The following YTHDF3 variants were observed in gnomAD, a reference collection of about 807,000 sequenced individuals.
YTHDF3 encodes YTH N6-methyladenosine RNA binding protein F3.
YTHDF3 carries 9 observed loss-of-function variants against 52.5 expected under a neutral mutation model. That is an observed-to-expected ratio of 0.17 (90% confidence interval 0.10 to 0.30). YTHDF3 has a LOEUF of 0.30. Among genes scored for constraint, YTHDF3 ranks in the 10% least tolerant of loss-of-function variants. The probability of loss-of-function intolerance (pLI) is 1.00; values close to 1 mark genes in which losing one functional copy is unlikely to be tolerated. For synonymous variants in YTHDF3, 274 were observed against 243.3 expected (o/e 1.13, Z -1.18); for missense variants, 534 against 715.0 (o/e 0.75, Z 2.89).
At chr8:63,191,463 C>T (rs1416612334) in intron 4 of YTHDF3, among the ~76,000 whole-genome samples, 2 of 151,978 alleles carry the variant, frequency 1.3e-5, no homozygotes, top group Admixed American at 6.6e-5. Flanking sequence ...CATTCAGCTC[C>T]CCCTCTTAAC....
At chr8:63,200,101 A>G (rs1253587615) in intron 4 of YTHDF3, among the ~76,000 whole-genome samples, 1 of 152,188 alleles carries the variant, frequency 6.6e-6, no homozygotes, top group Non-Finnish European at 1.5e-5. Context: ...CTCATTGTGA[A>G]TACTCTGCTG....
intron 2 of YTHDF3, 146 bp from the exon 3 acceptor site, chr8:63,175,185 G>A: frequency 1.7e-6 from 1 of 583,212 alleles, no homozygotes; most frequent in Non-Finnish European, 3.0e-6. Flanking sequence ...ATCTAAAATA[G>A]TTTATCCTTA....
chr8:63,201,243 A>G (rs1012185664), intron 4 of YTHDF3, among the ~76,000 whole-genome samples: 1 of 152,228 alleles, frequency 6.6e-6, no homozygotes, highest in South Asian at 2.1e-4. Flanking sequence ...ATAGAGATTT[A>G]CAGCTAGGTG....
chr8:63,187,049 A>G lies in YTHDF3; in HGVS notation c.1038A>G (p.Gln346=), dbSNP rs775240210. The part of the protein sequence containing the change: ...PQAQPHQVQP[Q]QQQLQNRWVA... ...CCCAGCCTCACCAAGTGCAGCCTCA[A>G]CAGCAGCAGCTGCAGAATCGCTGGG... The change falls in exon 4 of 5, where the codon CAA becomes CAG. Residue 346 remains glutamine, a synonymous_variant. Transcript: ENST00000539294. 8 of 1,613,634 alleles carry G rather than the reference A, an allele frequency of 5.0e-6. No homozygotes were observed. Among genetic ancestry groups the G allele is most frequent in the Admixed American group, 1.7e-5 (1 of 59,944 alleles).
intron 3 of YTHDF3, among the ~76,000 whole-genome samples, chr8:63,180,340 G>A (rs1181156195): frequency 6.6e-6 from 1 of 151,836 alleles, no homozygotes; most frequent in Non-Finnish European, 1.5e-5. Context: ...GACGATGGGC[G>A]GCTGGGCAGA....
chr8:63,202,909 G>A (rs1270382463), intron 4 of YTHDF3, among the ~76,000 whole-genome samples: 1 of 151,988 alleles, frequency 6.6e-6, no homozygotes, highest in Non-Finnish European at 1.5e-5. Context: ...GTCTTTTCTT[G>A]AAACACGCAC....
Position 63,188,699 on chromosome 8 carries a change from A to AT in YTHDF3, c.1734+955dup, listed in dbSNP as rs1391219509. On this transcript the variant is annotated intron_variant, in intron 4 of 4. Coordinates refer to ENST00000539294, the MANE Select transcript of YTHDF3 (RefSeq NM_152758.6). The stretch of plus-strand genomic sequence containing the variant: ...ATTACATATATATATATATATATAT[A>AT]TATTTTTTTTTTTTTTTTTTTTTTT... 7.8e-3 allele frequency: 445 copies of AT among 56,692 alleles called. 6 individuals are homozygous for AT. The highest frequency in any genetic ancestry group is 0.031 in the African/African-American group (383 of 12,280). The allele number at this position is 56,692 out of a possible 1,614,324, so 3.5% of individuals were successfully genotyped here.
chr8:63,192,284 A>T (rs1189392164), intron 4 of YTHDF3, among the ~76,000 whole-genome samples: 1 of 152,118 alleles, frequency 6.6e-6, no homozygotes, highest in African/African-American at 2.4e-5. Context: ...AGAATCATTG[A>T]GTTCAGTTAT....
At chr8:63,190,537 T>C (rs1036229178) in intron 4 of YTHDF3, among the ~76,000 whole-genome samples, 1 of 152,166 alleles carries the variant, frequency 6.6e-6, no homozygotes, top group African/African-American at 2.4e-5. Flanking sequence ...TCCTTACATA[T>C]TTTAAGTCCA....
At chr8:63,195,032 A>G (rs1809146466) in intron 4 of YTHDF3, among the ~76,000 whole-genome samples, 1 of 152,156 alleles carries the variant, frequency 6.6e-6, no homozygotes, top group African/African-American at 2.4e-5. Flanking sequence ...TATTTTGGCA[A>G]CAGGAGTTCC....
intron 3 of YTHDF3, among the ~76,000 whole-genome samples, chr8:63,178,286 G>T (rs941905915): frequency 3.9e-5 from 6 of 152,154 alleles, no homozygotes; most frequent in African/African-American, 1.4e-4. Context: ...CCAGCGGAGG[G>T]TGCCTGAATC....
rs569697782 is a variant in YTHDF3, at chr8:63,169,048, C to T, written c.24+147C>T. ...AGTTGCTGCGGTGTAGCTACCCGGG[C>T]CGGGGCGTGCGCCCTGGCCCCGTAG... is the stretch of plus-strand genomic sequence containing the variant. On this transcript the variant is annotated intron_variant, in intron 1 of 4. Transcript: ENST00000539294. 5.6e-5 allele frequency: 80 copies of T among 1,426,334 alleles called. 1 individual carries two copies. In the South Asian group the frequency reaches 1.2e-3, roughly 21 times the overall value. The allele number at this position is 1,426,334 out of a possible 1,614,324, so 88.4% of individuals were successfully genotyped here.
intron 4 of YTHDF3, among the ~76,000 whole-genome samples, chr8:63,199,165 G>A (rs1292614205): frequency 2.0e-5 from 3 of 152,096 alleles, no homozygotes; most frequent in African/African-American, 7.2e-5. Flanking sequence ...ATTAATAGTG[G>A]TTATGTTCCA....
intron 3 of YTHDF3, among the ~76,000 whole-genome samples, chr8:63,183,682 C>A (rs1408103166): frequency 6.6e-6 from 1 of 152,136 alleles, no homozygotes; most frequent in Non-Finnish European, 1.5e-5. Context: ...TACTAATTAT[C>A]CATTATAGCT....
chr8:63,186,201 T>C lies in YTHDF3; in HGVS notation c.190T>C (p.Ser64Pro). 1 of 1,614,052 alleles carries C rather than the reference T, an allele frequency of 6.2e-7. No homozygotes were observed. ...DPYMPSYYAP[S>P]IGFPYSLGEA... Reference sequence around the variant, plus strand: ...ATACATGCCTAGTTACTATGCTCCATCCATTGGATTTCCATATTCTCTTGG... The same window carrying C: ...ATACATGCCTAGTTACTATGCTCCACCCATTGGATTTCCATATTCTCTTGG... The change falls in exon 4 of 5, where the codon TCC becomes CCC. Residue 64 changes from serine to proline, a missense_variant. Ser to Pro is a moderately conservative substitution (Grantham distance 74). This residue lies in a region of YTHDF3 where 196 missense variants were observed against 299.5 expected (regional missense o/e 0.65). Transcript: ENST00000539294.
chr8:63,173,603 A>AT, intron 2 of YTHDF3: 11 of 973,184 alleles, frequency 1.1e-5, no homozygotes, highest in Non-Finnish European at 9.8e-6. Flanking sequence ...ATAGTGAAGA[A>AT]TTTTTTTTCA....
intron 1 of YTHDF3, 28 bp from the exon 2 acceptor site, chr8:63,169,357 CTT>C: frequency 6.3e-7 from 1 of 1,595,230 alleles, no homozygotes. Flanking sequence ...TTTTTCTCCT[CTT>C]TACCGCATCT....
Position 63,209,693 on chromosome 8 carries a change from G to A in YTHDF3, c.1745G>A (p.Arg582Lys). 6.4e-7 allele frequency: 1 copy of A among 1,566,432 alleles called. No homozygotes were observed. The highest frequency in any genetic ancestry group is 1.9e-5 in the Admixed American group (1 of 53,442). ...EEEAMRRERN[R>K]NKQ ...TTTTTTTTTTTTCAGGAGAGAAATA[G>A]AAACAAACAATAACCGTATGAAGAT... Residue 582 changes from arginine to lysine, a missense_variant, in exon 5 of 5, where the codon AGA becomes AAA. Transcript: ENST00000539294.
intron 4 of YTHDF3, among the ~76,000 whole-genome samples, chr8:63,190,044 T>G (rs1421727544): frequency 2.0e-5 from 3 of 152,148 alleles, no homozygotes; most frequent in Non-Finnish European, 4.4e-5. Flanking sequence ...GGAGAAATGA[T>G]TTGAGGTATG....
Sources: allele counts gnomAD v4.1 joint callset (sites outside exome capture counted in the v4.1 genomes callset), GRCh38; gene constraint gnomAD v4.1.1; regional missense constraint gnomAD v4.1.1; transcripts MANE v1.5; gene names NCBI Gene and HGNC (gene_info 2026-07-23, HGNC 2026-07-21).